The following NELL1 variants were observed in gnomAD, a reference collection of about 807,000 sequenced individuals.
The protein encoded by NELL1 is protein kinase C-binding protein NELL1.
In NELL1, 76 loss-of-function variants were observed where a neutral mutation model predicts 107.4. That is an observed-to-expected ratio of 0.71 (90% CI 0.59 to 0.86). The LOEUF is 0.86. Ranked by LOEUF, NELL1 falls within the 40% of genes least tolerant of loss-of-function variation. The probability of loss-of-function intolerance (pLI) is 0.00; values close to 1 mark genes in which losing one functional copy is unlikely to be tolerated. For missense variants in NELL1, 1,024 were observed against 1,005.5 expected (o/e 1.02, Z -0.25); for synonymous variants, 353 against 341.2 (o/e 1.03, Z -0.38).
intron 2 of NELL1, among the ~76,000 whole-genome samples, chr11:20,756,650 C>T (rs1258315847): frequency 7.0e-6 from 1 of 142,840 alleles, no homozygotes; most frequent in Non-Finnish European, 1.5e-5. Flanking sequence ...CGTGAGCCAC[C>T]ACACCAGGCC....
chr11:21,214,163 T>C (rs1331896290), intron 13 of NELL1, among the ~76,000 whole-genome samples: 1 of 152,180 alleles, frequency 6.6e-6, no homozygotes, highest in Non-Finnish European at 1.5e-5. Flanking sequence ...GAATTTGGAA[T>C]ATTTTCATTA....
chr11:21,070,457 T>G (rs986573245), intron 12 of NELL1, among the ~76,000 whole-genome samples: 4 of 152,134 alleles, frequency 2.6e-5, no homozygotes, highest in African/African-American at 9.7e-5. Flanking sequence ...TAAAAGGAAT[T>G]AGAAAACCAG....
At chr11:21,490,930 A>G (rs1424642255) in intron 15 of NELL1, among the ~76,000 whole-genome samples, 1 of 152,174 alleles carries the variant, frequency 6.6e-6, no homozygotes, top group African/African-American at 2.4e-5. Flanking sequence ...ACAGACAACT[A>G]TAACAAAAAT....
intron 2 of NELL1, among the ~76,000 whole-genome samples, chr11:20,703,012 C>G (rs554679163): frequency 6.6e-6 from 1 of 152,068 alleles, no homozygotes; most frequent in African/African-American, 2.4e-5. Flanking sequence ...TGATGCTGGC[C>G]TTATAAAGTG....
intron 3 of NELL1, among the ~76,000 whole-genome samples, chr11:20,792,417 T>C (rs566724857): frequency 6.6e-6 from 1 of 152,056 alleles, no homozygotes. Context: ...TAATCCTTTT[T>C]TCTTTCCAAC....
At chr11:21,211,162 A>G (rs1206760305) in intron 13 of NELL1, among the ~76,000 whole-genome samples, 3 of 152,186 alleles carry the variant, frequency 2.0e-5, no homozygotes, top group East Asian at 1.9e-4. Context: ...AAGGAAATAT[A>G]TTGGATATTA....
chr11:21,117,434 G>C (rs1396965794), intron 13 of NELL1, among the ~76,000 whole-genome samples: 1 of 151,928 alleles, frequency 6.6e-6, no homozygotes, highest in Non-Finnish European at 1.5e-5. Flanking sequence ...AACATTTGTT[G>C]AATGAAATAA....
At chr11:21,416,577 A>T (rs941187248) in intron 15 of NELL1, among the ~76,000 whole-genome samples, 2 of 152,140 alleles carry the variant, frequency 1.3e-5, no homozygotes, top group Non-Finnish European at 2.9e-5. Flanking sequence ...AGATAAATAG[A>T]TTCTCTATTT....
intron 17 of NELL1, among the ~76,000 whole-genome samples, chr11:21,564,286 TG>T (rs1474678621): frequency 1.3e-5 from 2 of 151,896 alleles, no homozygotes; most frequent in Admixed American, 1.3e-4. Flanking sequence ...TAACATCTAA[TG>T]GGAGAAAATG....
At chr11:20,779,392 G>A (rs1192738425) in intron 2 of NELL1, among the ~76,000 whole-genome samples, 1 of 152,182 alleles carries the variant, frequency 6.6e-6, no homozygotes, top group Non-Finnish European at 1.5e-5. Context: ...TGTTTAGCAT[G>A]TTTCACAGGT....
intron 3 of NELL1, among the ~76,000 whole-genome samples, chr11:20,835,438 T>G (rs539210989): frequency 6.6e-6 from 1 of 152,174 alleles, no homozygotes; most frequent in Non-Finnish European, 1.5e-5. Flanking sequence ...CTTTACCTAG[T>G]TGTAATTTGA....
intron 14 of NELL1, among the ~76,000 whole-genome samples, chr11:21,240,611 CA>C (rs765390648): frequency 3.9e-5 from 6 of 151,944 alleles, no homozygotes; most frequent in Non-Finnish European, 8.8e-5. Flanking sequence ...GTCTTGAACC[CA>C]GCAATAGTAC....
chr11:20,910,967 G>C (rs1468104244), intron 5 of NELL1, among the ~76,000 whole-genome samples: 1 of 152,174 alleles, frequency 6.6e-6, no homozygotes, highest in Admixed American at 6.5e-5. Context: ...ACATAAAAAT[G>C]CATTTCTTGG....
At chr11:21,508,910 G>A (rs1331012324) in intron 15 of NELL1, among the ~76,000 whole-genome samples, 1 of 151,954 alleles carries the variant, frequency 6.6e-6, no homozygotes, top group East Asian at 1.9e-4. Flanking sequence ...AACAAAAAAT[G>A]ATGAAAATTA....
rs145899910 is a variant in NELL1 at position 21,263,340 on chromosome 11, T to C, written c.1549+33886T>C. ...CAACTGGAGATGTGATTGTTAATGA[T>C]TAAATTCAATGTGGGGTAACGGCGA... On this transcript the variant is annotated intron_variant, in intron 14 of 19. Coordinates refer to ENST00000357134, the MANE Select transcript of NELL1 (RefSeq NM_006157.5). Among the ~76,000 whole-genome samples, 227 of 152,094 alleles carry C rather than the reference T, an allele frequency of 1.5e-3. 2 individuals carry two copies. The highest frequency in any genetic ancestry group is 5.2e-3 in the African/African-American group (217 of 41,538).
rs115526331 is a variant in NELL1, at chr11:21,419,969, T to C, written c.1645+49021T>C. Among the ~76,000 whole-genome samples, 1,462 of 152,248 alleles carry C rather than the reference T, an allele frequency of 9.6e-3. 24 individuals carry two copies. Among genetic ancestry groups the C allele is most frequent in the African/African-American group, 0.033 (1,380 of 41,548 alleles). On this transcript the variant is annotated intron_variant, in intron 15 of 19. Coordinates refer to ENST00000357134, the MANE Select transcript of NELL1 (RefSeq NM_006157.5). Reference sequence around the variant, plus strand: ...AATTTGTTATAATCCTATTTTTTTATTGCTTGCTGAGTTCATCTTATCTGC... The same window carrying C: ...AATTTGTTATAATCCTATTTTTTTACTGCTTGCTGAGTTCATCTTATCTGC...
Position 21,185,409 on chromosome 11 carries a change from C to T in NELL1, c.1427-43923C>T, listed in dbSNP as rs560807396. On this transcript the variant is annotated intron_variant, in intron 13 of 19. Coordinates refer to ENST00000357134, the MANE Select transcript of NELL1 (RefSeq NM_006157.5). ...TCCCAGGTTGAAGCGATTCTCCTGCCTCAGCCTCTCGAATAGCTGGGATTA... is the reference window on the plus strand; with the variant it reads ...TCCCAGGTTGAAGCGATTCTCCTGCTTCAGCCTCTCGAATAGCTGGGATTA... Among the ~76,000 whole-genome samples the T allele has an allele frequency of 3.8e-3, 570 of 150,998 alleles. 16 individuals carry two copies. Among genetic ancestry groups the T allele is most frequent in the African/African-American group, 0.013 (547 of 40,676 alleles).
At chr11:21,242,100 A>C (rs183704068) in intron 14 of NELL1, among the ~76,000 whole-genome samples, 5 of 151,572 alleles carry the variant, frequency 3.3e-5, no homozygotes, top group Non-Finnish European at 7.4e-5. Context: ...GAAAATGTTT[A>C]CGGTAAAATG....
At chr11:21,359,087 T>G (rs528272054) in intron 14 of NELL1, among the ~76,000 whole-genome samples, 3 of 152,122 alleles carry the variant, frequency 2.0e-5, no homozygotes, top group Non-Finnish European at 4.4e-5. Context: ...AACATTTCCC[T>G]TTTGAGTGTA....
Sources: gnomAD v4.1 joint callset for allele counts (sites outside exome capture counted in the v4.1 genomes callset) on GRCh38, gnomAD v4.1.1 for gene constraint, MANE v1.5 for transcripts, NCBI Gene and HGNC (gene_info 2026-07-23, HGNC 2026-07-21) for gene names.